Variants in CPA6 observed in about 807,000 individuals in gnomAD.
The protein encoded by CPA6 is carboxypeptidase A6.
CPA6 carries 58 observed loss-of-function variants against 63.3 expected under a neutral mutation model. The observed-to-expected ratio is 0.92, with a 90% CI of 0.74 to 1.14. The LOEUF is 1.14. CPA6 is among the 50% of genes most tolerant of loss of function. The pLI is 0.00. For synonymous variants in CPA6, 185 were observed against 179.0 expected (o/e 1.03, Z -0.27); for missense variants, 565 against 526.6 (o/e 1.07, Z -0.71).
chr8:67,743,857 T>G (rs866662283), intron 1 of CPA6, among the ~76,000 whole-genome samples: 1 of 152,200 alleles, frequency 6.6e-6, no homozygotes, highest in Admixed American at 6.5e-5. Flanking sequence ...TACAAAAATA[T>G]TTTTACATGA....
chr8:67,646,322 G>A (rs1316727077), intron 1 of CPA6, among the ~76,000 whole-genome samples: 1 of 152,202 alleles, frequency 6.6e-6, no homozygotes, highest in Non-Finnish European at 1.5e-5. Flanking sequence ...TGGCTTTCAT[G>A]GGCTGAGAAT....
chr8:67,744,425 G>A (rs1376139598), intron 1 of CPA6, among the ~76,000 whole-genome samples: 1 of 152,158 alleles, frequency 6.6e-6, no homozygotes, highest in Non-Finnish European at 1.5e-5. Flanking sequence ...TACGAAAAGG[G>A]TGCCACCACT....
At chr8:67,524,636 A>G (rs1339791772) in intron 2 of CPA6, among the ~76,000 whole-genome samples, 1 of 149,860 alleles carries the variant, frequency 6.7e-6, no homozygotes, top group Non-Finnish European at 1.5e-5. Flanking sequence ...TTTGCAAATC[A>G]GGTCACATTC....
At chr8:67,474,145 G>A (rs1300923357) in intron 8 of CPA6, among the ~76,000 whole-genome samples, 1 of 152,106 alleles carries the variant, frequency 6.6e-6, no homozygotes, top group Non-Finnish European at 1.5e-5. Context: ...CGAGGTGAGC[G>A]CACCAAAGAG....
At chr8:67,589,312 G>A (rs1462259920) in intron 2 of CPA6, among the ~76,000 whole-genome samples, 17 of 152,112 alleles carry the variant, frequency 1.1e-4, no homozygotes, top group Non-Finnish European at 1.5e-5. Flanking sequence ...CTCTTCAAAA[G>A]GACTTTGTGC....
intron 2 of CPA6, among the ~76,000 whole-genome samples, chr8:67,524,352 G>T (rs1221587655): frequency 3.3e-5 from 5 of 152,176 alleles, no homozygotes; most frequent in African/African-American, 9.7e-5. Context: ...TAAAACAATA[G>T]AAATCTATTC....
chr8:67,660,171 T>A, intron 1 of CPA6, among the ~76,000 whole-genome samples: 1 of 152,138 alleles, frequency 6.6e-6, no homozygotes, highest in African/African-American at 2.4e-5. Context: ...AAAACCTAAG[T>A]CTGATTCACT....
At chr8:67,556,807 C>T (rs1005227452) in intron 2 of CPA6, among the ~76,000 whole-genome samples, 2 of 152,218 alleles carry the variant, frequency 1.3e-5, no homozygotes, top group African/African-American at 2.4e-5. Flanking sequence ...CAGACAAGAG[C>T]GGCAGCGCCG....
rs575894764 is a variant in CPA6 at position 67,426,641 on chromosome 8, A to G, written c.1126+1406T>C. On this transcript the variant is annotated intron_variant, in intron 10 of 10. Transcript: ENST00000297770. ...AAGGCTGAAGAAAGTGAGTGGTAAA[A>G]CATTAGGAATACAATGATAGGTAGA... Among the ~76,000 whole-genome samples, 3 of 152,320 alleles carry G rather than the reference A, an allele frequency of 2.0e-5. No individual in the cohort carries two copies. The South Asian group carries it at 6.2e-4, about 32-fold the overall frequency.
At position 67,564,767 on chromosome 8, in the gene CPA6, A is replaced by G. The variant is rs180696424; in HGVS notation, c.193-46720T>C. 2.0e-5 allele frequency among the ~76,000 whole-genome samples: 3 copies of G among 152,344 alleles called. No individual in the cohort carries two copies. In the East Asian group the frequency reaches 5.8e-4, roughly 29 times the overall value. On this transcript the variant is annotated intron_variant, in intron 2 of 10. Transcript: ENST00000297770. The stretch of plus-strand genomic sequence containing the variant: ...TGTCAATGCATTTTAATTAGGGATT[A>G]ATATTGCTGATAGATTTCTGTGGTT...
At chr8:67,675,273 C>A (rs1166084283) in intron 1 of CPA6, among the ~76,000 whole-genome samples, 1 of 152,150 alleles carries the variant, frequency 6.6e-6, no homozygotes, top group African/African-American at 2.4e-5. Context: ...CAGACATAGA[C>A]CTCTCCCAAC....
intron 1 of CPA6, among the ~76,000 whole-genome samples, chr8:67,728,569 T>G (rs1817648364): frequency 6.6e-6 from 1 of 152,236 alleles, no homozygotes; most frequent in Admixed American, 6.5e-5. Context: ...CGTCTTTCCA[T>G]GCACTCTAAA....
At chr8:67,496,664 G>A (rs1046149131) in intron 6 of CPA6, among the ~76,000 whole-genome samples, 3 of 150,780 alleles carry the variant, frequency 2.0e-5, no homozygotes, top group African/African-American at 7.3e-5. Context: ...CGGTTCAAGC[G>A]ATTCTCCTGC....
intron 1 of CPA6, among the ~76,000 whole-genome samples, chr8:67,654,579 C>T (rs909273951): frequency 2.6e-5 from 4 of 152,054 alleles, no homozygotes; most frequent in Admixed American, 6.6e-5. Flanking sequence ...TCTGTGGGAT[C>T]GGTGGTGATA....
intron 1 of CPA6, among the ~76,000 whole-genome samples, chr8:67,629,301 C>T (rs76693514): frequency 0.014 from 2,072 of 150,424 alleles, 46 homozygotes; most frequent in African/African-American, 0.047. Context: ...ACCCTGTCTC[C>T]GCAAAAATAA....
chr8:67,486,571 C>T (rs1811482594), intron 6 of CPA6, among the ~76,000 whole-genome samples: 1 of 152,130 alleles, frequency 6.6e-6, no homozygotes. Context: ...TATTAATATC[C>T]ACATTTCCAC....
At chr8:67,577,003 A>T (rs1183111119) in intron 2 of CPA6, among the ~76,000 whole-genome samples, 1 of 151,836 alleles carries the variant, frequency 6.6e-6, no homozygotes, top group Admixed American at 6.6e-5. Context: ...AGCTGGAATT[A>T]CAGGCGCCTG....
At position 67,475,851 on chromosome 8, in the gene CPA6, CTT is replaced by C. The variant is rs1436695894; in HGVS notation, c.838+7915_838+7916del. 7.0e-4 allele frequency among the ~76,000 whole-genome samples: 51 copies of C among 72,902 alleles called. 1 individual carries two copies. The highest frequency in any genetic ancestry group is 1.3e-3 in the African/African-American group (22 of 16,698). The allele number at this position is 72,902 out of a possible 152,430, so 47.8% of individuals were successfully genotyped here. A position where few individuals can be genotyped will look rare whatever the true frequency, so the allele number is the denominator to read the frequency against. On this transcript the variant is annotated intron_variant, in intron 8 of 10. Coordinates refer to ENST00000297770, the MANE Select transcript of CPA6 (RefSeq NM_020361.5). ...TCTTTCTTTCTTTCTTTCTTTCTTTCTTTCTTTCTTTCTTTCTTTCTTTCTTT... is the reference window on the plus strand; with the variant it reads ...TCTTTCTTTCTTTCTTTCTTTCTTTCTCTTTCTTTCTTTCTTTCTTTCTTT...
chr8:67,475,871 C>CTCT (rs1811201190), intron 8 of CPA6, among the ~76,000 whole-genome samples: 101 of 79,896 alleles, frequency 1.3e-3, no homozygotes, highest in African/African-American at 3.6e-3. Flanking sequence ...TTCTTTCTTT[C>CTCT]TTTCTTTCTC....
Sources: allele counts gnomAD v4.1 joint callset (sites outside exome capture counted in the v4.1 genomes callset), GRCh38; gene constraint gnomAD v4.1.1; transcripts MANE v1.5; gene names NCBI Gene and HGNC (gene_info 2026-07-23, HGNC 2026-07-21).